The following NBPF15 variants were observed in gnomAD, a reference collection of about 807,000 sequenced individuals.
NBPF15 encodes the protein NBPF family member NBPF15.
In NBPF15, 74 loss-of-function variants were observed where a neutral mutation model predicts 62.2. The ratio of observed to expected loss-of-function variants is 1.19; its 90% confidence interval spans 0.99 to 1.44. NBPF15 has a LOEUF of 1.44. NBPF15 is among the 40% of genes most tolerant of loss of function. The probability of loss-of-function intolerance (pLI) is 0.00; values close to 1 mark genes in which losing one functional copy is unlikely to be tolerated. For synonymous variants in NBPF15, 244 were observed against 209.7 expected (o/e 1.16, Z -1.41); for missense variants, 790 against 550.0 (o/e 1.44, Z -4.36).
At chr1:144,441,026 C>G (rs1571139843) in intron 6 of NBPF15, among the ~76,000 whole-genome samples, 2 of 151,740 alleles carry the variant, frequency 1.3e-5, no homozygotes, top group South Asian at 4.2e-4. Flanking sequence ...GTGTTTTTCC[C>G]TTGTTTCATT....
At chr1:144,435,044 C>A in intron 12 of NBPF15, 67 bp downstream of exon 12, 1 of 1,610,940 alleles carries the variant, frequency 6.2e-7, no homozygotes, top group South Asian at 1.1e-5. Context: ...GTTGATAGAG[C>A]CTGTCTTCAG....
In NBPF15 at chr1:144,442,162, GTATATATA is replaced by G. The variant is rs368550343; in HGVS notation, c.-190-1875_-190-1868del. On this transcript the variant is annotated intron_variant, in intron 6 of 21. Coordinates refer to ENST00000581897, the MANE Select transcript of NBPF15 (RefSeq NM_001385408.1). The stretch of plus-strand genomic sequence containing the variant: ...ATATATATATAATATATATACACGT[GTATATATA>G]TATATATATAATATATATACACGTG... Among the ~76,000 whole-genome samples the G allele has an allele frequency of 1.9e-4, 6 of 31,510 alleles. 1 individual carries two copies. The highest frequency in any genetic ancestry group is 7.4e-4 in the African/African-American group (6 of 8,160). The allele number at this position is 31,510 out of a possible 152,430, so 20.7% of individuals were successfully genotyped here. A position where few individuals can be genotyped will look rare whatever the true frequency, so the allele number is the denominator to read the frequency against.
chr1:144,455,628 G>A (rs1477400517), intron 4 of NBPF15, among the ~76,000 whole-genome samples: 1 of 152,028 alleles, frequency 6.6e-6, no homozygotes, highest in Non-Finnish European at 1.5e-5. Flanking sequence ...AGCTGCAGGT[G>A]GGGGCCTCAG....
chr1:144,429,351 C>G (rs1434621737), intron 14 of NBPF15, among the ~76,000 whole-genome samples: 2 of 150,976 alleles, frequency 1.3e-5, no homozygotes, highest in African/African-American at 4.9e-5. Flanking sequence ...AATTTTGTAG[C>G]TGGCAAGAGA....
chr1:144,443,258 A>G (rs1684903163), intron 6 of NBPF15, among the ~76,000 whole-genome samples: 2 of 152,006 alleles, frequency 1.3e-5, no homozygotes, highest in Admixed American at 6.6e-5. Flanking sequence ...AAAAAAATCA[A>G]TAACTGTACA....
intron 2 of NBPF15, among the ~76,000 whole-genome samples, chr1:144,460,312 G>C (rs1651770269): frequency 8.8e-6 from 1 of 114,252 alleles, no homozygotes; most frequent in African/African-American, 3.5e-5. Context: ...CAAAGTGCTG[G>C]GATTACAGGT....
At chr1:144,447,784 G>A (rs1222646559) in intron 6 of NBPF15, among the ~76,000 whole-genome samples, 7 of 152,018 alleles carry the variant, frequency 4.6e-5, no homozygotes, top group Non-Finnish European at 1.0e-4. Flanking sequence ...TATTATAAAG[G>A]GCTAGTTTAT....
At chr1:144,453,285 G>A (rs1571162768) in intron 4 of NBPF15, among the ~76,000 whole-genome samples, 1 of 151,266 alleles carries the variant, frequency 6.6e-6, no homozygotes, top group African/African-American at 2.4e-5. Flanking sequence ...ACAACCACAT[G>A]CAAAAAAATA....
intron 16 of NBPF15, 124 bp downstream of exon 16, chr1:144,427,694 G>A (rs1670767855): frequency 3.2e-6 from 2 of 620,976 alleles, no homozygotes; most frequent in Non-Finnish European, 5.7e-6. Flanking sequence ...CAACCTACAT[G>A]TGCCTATAGG....
intron 10 of NBPF15, among the ~76,000 whole-genome samples, chr1:144,436,389 T>C (rs1306343139): frequency 2.6e-5 from 4 of 151,796 alleles, no homozygotes; most frequent in Non-Finnish European, 4.4e-5. Flanking sequence ...TTCTCCAACA[T>C]CACACGGTGA....
intron 6 of NBPF15, among the ~76,000 whole-genome samples, chr1:144,446,250 G>A (rs1687461106): frequency 6.7e-6 from 1 of 149,696 alleles, no homozygotes; most frequent in Non-Finnish European, 1.5e-5. Context: ...CTAATATACA[G>A]AAATACAAAA....
chr1:144,427,152 T>C (rs1670325900), intron 16 of NBPF15, 54 bp from the exon 17 acceptor site: 2 of 559,442 alleles, frequency 3.6e-6, no homozygotes, highest in Non-Finnish European at 6.3e-6. Flanking sequence ...CCTACACACA[T>C]AACAATCCAC....
At chr1:144,428,916 A>G (rs1299546020) in intron 14 of NBPF15, among the ~76,000 whole-genome samples, 1 of 152,052 alleles carries the variant, frequency 6.6e-6, no homozygotes, top group Non-Finnish European at 1.5e-5. Flanking sequence ...ATGTACACAA[A>G]TGAGCAATTT....
chr1:144,434,635 G>C (rs1457461598), intron 12 of NBPF15, among the ~76,000 whole-genome samples: 1 of 150,944 alleles, frequency 6.6e-6, no homozygotes, highest in African/African-American at 2.5e-5. Flanking sequence ...AAAAGTTTCC[G>C]TCCTGATTTC....
intron 3 of NBPF15, among the ~76,000 whole-genome samples, chr1:144,457,293 G>T (rs1553547231): frequency 6.6e-6 from 1 of 152,032 alleles, no homozygotes; most frequent in Non-Finnish European, 1.5e-5. Flanking sequence ...TGTAGTTAAT[G>T]CTTCTTTGGA....
intron 5 of NBPF15, among the ~76,000 whole-genome samples, chr1:144,450,298 A>G (rs1553545153): frequency 7.0e-6 from 1 of 143,816 alleles, no homozygotes; most frequent in African/African-American, 2.6e-5. Flanking sequence ...GAGAAGATGA[A>G]GTCAGAGAAG....
intron 4 of NBPF15, among the ~76,000 whole-genome samples, chr1:144,452,420 T>G (rs1200455909): frequency 2.0e-5 from 3 of 151,754 alleles, no homozygotes; most frequent in African/African-American, 7.3e-5. Context: ...AATAGTCCAC[T>G]ATATAAAGTC....
chr1:144,425,081 C>A (rs1445320251), intron 19 of NBPF15, among the ~76,000 whole-genome samples: 5 of 144,348 alleles, frequency 3.5e-5, no homozygotes, highest in Non-Finnish European at 6.0e-5. Context: ...CACACACACA[C>A]ACACACACAC....
chr1:144,451,156 G>A (rs1166844537), intron 4 of NBPF15, among the ~76,000 whole-genome samples: 7 of 151,640 alleles, frequency 4.6e-5, no homozygotes, highest in Non-Finnish European at 8.8e-5. Flanking sequence ...AGGTAAACAC[G>A]TGAACAAATG....
Sources: allele counts gnomAD v4.1 joint callset (sites outside exome capture counted in the v4.1 genomes callset), GRCh38; gene constraint gnomAD v4.1.1; transcripts MANE v1.5; gene names NCBI Gene and HGNC (gene_info 2026-07-23, HGNC 2026-07-21).